Variants in WDPCP observed in about 807,000 individuals in gnomAD.
WDPCP encodes WD repeat containing planar cell polarity effector, also known as WD repeat-containing and planar cell polarity effector protein fritz homolog.
WDPCP carries 71 observed loss-of-function variants against 93.1 expected under a neutral mutation model. The ratio of observed to expected loss-of-function variants is 0.76; its 90% CI spans 0.63 to 0.93. The LOEUF (loss-of-function observed/expected upper bound fraction) is 0.93. Ranked by LOEUF, WDPCP falls within the 40% of genes least tolerant of loss-of-function variation. The pLI is 0.00. For missense variants in WDPCP, 844 were observed against 887.4 expected, an observed-to-expected ratio of 0.95 and a Z score of 0.62; for synonymous variants, 315 against 315.0, an observed-to-expected ratio of 1.00 and a Z score of 0.00.
chr2:63,464,225 A>G (rs1157873583), intron 6 of WDPCP, among the ~76,000 whole-genome samples: 1 of 152,204 alleles, frequency 6.6e-6, no homozygotes, highest in Non-Finnish European at 1.5e-5. Flanking sequence ...ACATTTCTAC[A>G]AAGATGATAT....
Position 63,487,463 on chromosome 2 carries a change from G to C in WDPCP, c.192C>G (p.Asp64Glu). The C allele has an allele frequency of 6.3e-7, 1 of 1,592,726 alleles. No homozygotes were observed. Among genetic ancestry groups the C allele is most frequent in the Non-Finnish European group, 8.6e-7 (1 of 1,162,076 alleles). ...GTACTTTACCTGGTGGATCTTTCTTGTCATAATACTGGTAGATCCCAATGT... is the reference window on the plus strand; with the variant it reads ...GTACTTTACCTGGTGGATCTTTCTTCTCATAATACTGGTAGATCCCAATGT... ...DRDIGIYQYYDKKDPPATEHG... is the reference protein window; with the variant it reads ...DRDIGIYQYYEKKDPPATEHG... Residue 64 changes from aspartate to glutamate, a missense_variant, in exon 3 of 18, where the codon GAC becomes GAG. Asp to Glu is a conservative substitution (Grantham distance 45). Coordinates refer to ENST00000272321, the MANE Select transcript of WDPCP (RefSeq NM_015910.7).
chr2:63,760,673 T>C (rs1241880414), intron 2 of WDPCP, among the ~76,000 whole-genome samples: 1 of 152,202 alleles, frequency 6.6e-6, no homozygotes. Flanking sequence ...TTTCCAAAGC[T>C]GAAGTCTCCA....
At chr2:63,720,388 GC>G (rs1669398200) in intron 2 of WDPCP, among the ~76,000 whole-genome samples, 1 of 149,604 alleles carries the variant, frequency 6.7e-6, no homozygotes, top group African/African-American at 2.5e-5. Context: ...CTGCACTCCA[GC>G]CCGGGTGACA....
At chr2:63,565,418 G>A (rs1344670560) in intron 1 of WDPCP, among the ~76,000 whole-genome samples, 2 of 152,106 alleles carry the variant, frequency 1.3e-5, no homozygotes, top group Non-Finnish European at 2.9e-5. Flanking sequence ...ACACAGGTAT[G>A]TATTTTAAAT....
intron 17 of WDPCP, among the ~76,000 whole-genome samples, chr2:63,131,241 T>C (rs1461957119): frequency 6.6e-6 from 1 of 152,170 alleles, no homozygotes; most frequent in Non-Finnish European, 1.5e-5. Flanking sequence ...TTTCTGTATG[T>C]CTTGTGGCTT....
intron 10 of WDPCP, among the ~76,000 whole-genome samples, chr2:63,392,408 T>C (rs529543118): frequency 5.2e-4 from 79 of 152,308 alleles, no homozygotes; most frequent in African/African-American, 1.9e-3. Context: ...AAGATTTAAA[T>C]GTTAGGCCTA....
intron 13 of WDPCP, among the ~76,000 whole-genome samples, chr2:63,290,362 C>T (rs1456246909): frequency 1.3e-5 from 2 of 152,024 alleles, no homozygotes; most frequent in African/African-American, 4.8e-5. Context: ...ATTCCATTTA[C>T]CCCCTCCTCT....
intron 13 of WDPCP, among the ~76,000 whole-genome samples, chr2:63,310,758 C>T (rs1405550010): frequency 1.3e-5 from 2 of 152,050 alleles, no homozygotes; most frequent in South Asian, 2.1e-4. Context: ...CCTTTGGAGG[C>T]TAAGATAGGA....
At chr2:63,669,114 T>C (rs1710317013) in intron 2 of WDPCP, among the ~76,000 whole-genome samples, 1 of 152,178 alleles carries the variant, frequency 6.6e-6, no homozygotes, top group African/African-American at 2.4e-5. Flanking sequence ...ATGAAGTAGA[T>C]AGTGATGTCC....
At chr2:63,297,705 C>T (rs1039283278) in intron 13 of WDPCP, among the ~76,000 whole-genome samples, 4 of 152,046 alleles carry the variant, frequency 2.6e-5, no homozygotes, top group African/African-American at 7.2e-5. Flanking sequence ...ATAATATACA[C>T]TATAGAATAT....
intron 1 of WDPCP, among the ~76,000 whole-genome samples, chr2:63,501,341 A>T (rs918934373): frequency 1.3e-5 from 2 of 152,170 alleles, no homozygotes; most frequent in Non-Finnish European, 2.9e-5. Context: ...AGGTAGAAGG[A>T]TTGCTCTAAG....
intron 12 of WDPCP, among the ~76,000 whole-genome samples, chr2:63,345,705 T>G (rs894711469): frequency 5.3e-5 from 8 of 152,154 alleles, no homozygotes; most frequent in Non-Finnish European, 8.8e-5. Flanking sequence ...TTAGTAACAC[T>G]TGGAATCCTG....
chr2:63,534,077 A>C (rs539104579), intron 1 of WDPCP, among the ~76,000 whole-genome samples: 1 of 152,224 alleles, frequency 6.6e-6, no homozygotes, highest in Non-Finnish European at 1.5e-5. Flanking sequence ...AGAATACTAC[A>C]AACACCTCTA....
At chr2:63,313,180 A>G in intron 13 of WDPCP, 68 bp downstream of exon 13, 1 of 1,442,968 alleles carries the variant, frequency 6.9e-7, no homozygotes, top group South Asian at 1.2e-5. Context: ...AATCCTTTTT[A>G]TGGTCACAAA....
intron 14 of WDPCP, among the ~76,000 whole-genome samples, chr2:63,243,497 C>A (rs1680024117): frequency 6.6e-6 from 1 of 151,994 alleles, no homozygotes; most frequent in South Asian, 2.1e-4. Flanking sequence ...TTGATAGTTT[C>A]TATTGCTGTG....
chr2:63,141,802 G>A (rs1470550731), intron 17 of WDPCP, among the ~76,000 whole-genome samples: 6 of 151,882 alleles, frequency 4.0e-5, no homozygotes, highest in East Asian at 1.9e-4. Flanking sequence ...ATACCATTTC[G>A]ATCTCGCTGC....
rs529326266 is a variant in WDPCP, at chr2:63,630,294, T to C, written n.488+20365A>G. Among the ~76,000 whole-genome samples, 11 of 152,246 alleles carry C rather than the reference T, an allele frequency of 7.2e-5. No individual in the cohort carries two copies. In the South Asian group the frequency reaches 1.4e-3, roughly 20 times the overall value. On this transcript the variant is annotated intron_variant and non_coding_transcript_variant, in intron 3 of 4. Transcript: ENST00000467687. ...ATTTAAACTCTAATATATCAATAAT[T>C]ACTTTAAAGGAAAATGGTCTAAAGG...
At chr2:63,576,312 G>A (rs924749717) in intron 1 of WDPCP, among the ~76,000 whole-genome samples, 3 of 152,050 alleles carry the variant, frequency 2.0e-5, no homozygotes, top group Non-Finnish European at 4.4e-5. Flanking sequence ...TATATATCAG[G>A]GTTCCCATGA....
intron 14 of WDPCP, among the ~76,000 whole-genome samples, chr2:63,239,239 A>T (rs987028940): frequency 6.6e-6 from 1 of 152,118 alleles, no homozygotes; most frequent in Non-Finnish European, 1.5e-5. Flanking sequence ...TTTGAGACGG[A>T]GTCTCGCTCT....
Sources: allele counts gnomAD v4.1 joint callset (sites outside exome capture counted in the v4.1 genomes callset), GRCh38; gene constraint gnomAD v4.1.1; transcripts MANE v1.5; gene names NCBI Gene and HGNC (gene_info 2026-07-23, HGNC 2026-07-21).